Variants in POSTN observed in about 807,000 individuals in gnomAD.
The protein encoded by POSTN is osteoblast specific factor 2 (fasciclin I-like).
In POSTN, 71 loss-of-function variants were observed where a neutral mutation model predicts 104.5. The ratio of observed to expected loss-of-function variants is 0.68; its 90% CI spans 0.56 to 0.83. The LOEUF (loss-of-function observed/expected upper bound fraction) is 0.83, where lower values mean the gene tolerates loss of function less well. POSTN is among the 40% of genes least tolerant of loss of function. The probability of loss-of-function intolerance (pLI) is 0.00; values close to 1 mark genes in which losing one functional copy is unlikely to be tolerated. For synonymous variants in POSTN, 355 were observed against 340.7 expected, an observed-to-expected ratio of 1.04 and a Z score of -0.46; for missense variants, 949 against 1,006.8, an observed-to-expected ratio of 0.94 and a Z score of 0.78.
chr13:37,567,806 G>C (rs1426107498), intron 21 of POSTN, among the ~76,000 whole-genome samples: 3 of 151,992 alleles, frequency 2.0e-5, no homozygotes, highest in Non-Finnish European at 4.4e-5. Context: ...TGTTTTCTTG[G>C]CTGAAGCAAT....
intron 4 of POSTN, among the ~76,000 whole-genome samples, chr13:37,589,073 A>C (rs1427931921): frequency 1.3e-5 from 2 of 151,922 alleles, no homozygotes; most frequent in African/African-American, 4.8e-5. Context: ...AAAAGACAAC[A>C]AAAAAAACCA....
intron 1 of POSTN, among the ~76,000 whole-genome samples, chr13:37,597,711 A>C (rs927509694): frequency 6.6e-6 from 1 of 152,146 alleles, no homozygotes; most frequent in Admixed American, 6.6e-5. Context: ...AAAAGAGACA[A>C]GGTTTATTAT....
rs535096675 is a variant in POSTN, at chr13:37,584,757, C to T, written c.1067G>A (p.Gly356Asp). The change falls in exon 8 of 23, where the codon GGT (glycine) becomes GAT (aspartate). Residue 356 changes from glycine (G) to aspartate (D), a missense_variant. Coordinates refer to ENST00000379747, the MANE Select transcript of POSTN (RefSeq NM_006475.3). ...VNKKDIVTNN[G>D]VIHLIDQVLI... ...GACCTGATCAATCAAATGGATCACA[C>T]CATTATTTGTCACAATATCCTTTTT... The T allele has an allele frequency of 6.2e-7, 1 of 1,613,904 alleles. No individual in the cohort carries two copies. The highest frequency in any genetic ancestry group is 1.1e-5 in the South Asian group (1 of 91,082).
Position 37,579,074 on chromosome 13 carries a change from G to A in POSTN, c.1839C>T (p.Asp613=), listed in dbSNP as rs1950503318. 1.9e-6 allele frequency: 3 copies of A among 1,613,236 alleles called. No individual in the cohort carries two copies. The highest frequency in any genetic ancestry group is 1.7e-5 in the Admixed American group (1 of 59,970). ...LVNELKSKES[D]IMTTNGVIHV... The stretch of plus-strand genomic sequence containing the variant: ...GAATTACACCATTTGTTGTCATGAT[G>A]TCAGATTCTTTTGATTTCAATTCAT... Residue 613 remains aspartate, a synonymous_variant, in exon 14 of 23, where the codon GAC becomes GAT. Coordinates refer to ENST00000379747, the MANE Select transcript of POSTN (RefSeq NM_006475.3).
At position 37,564,181 on chromosome 13, in the gene POSTN, C is replaced by CATAT. The variant is rs71093693; in HGVS notation, c.2473+334_2473+337dup. Among the ~76,000 whole-genome samples, 290 of 49,634 alleles carry CATAT rather than the reference C, an allele frequency of 5.8e-3. 7 individuals are homozygous for CATAT. Among genetic ancestry groups the CATAT allele is most frequent in the Non-Finnish European group, 8.5e-3 (195 of 22,978 alleles). The allele number at this position is 49,634 out of a possible 152,430, so 32.6% of individuals were successfully genotyped here. ...GTATACTTGTATATACAAAACATTACATATATATATATATATATATATATA... is the reference window on the plus strand; with the variant it reads ...GTATACTTGTATATACAAAACATTACATATATATATATATATATATATATATATA... On this transcript the variant is annotated intron_variant, in intron 22 of 22. Coordinates refer to ENST00000379747, the MANE Select transcript of POSTN (RefSeq NM_006475.3).
chr13:37,582,321 G>A (rs763197070), intron 10 of POSTN, 45 bp downstream of exon 10: 2 of 1,551,458 alleles, frequency 1.3e-6, no homozygotes, highest in African/African-American at 2.8e-5. Context: ...AGCATTATTT[G>A]ACATGTCATT....
At position 37,584,948 on chromosome 13, in the gene POSTN, C is replaced by T; in HGVS notation, c.896-20G>A. 18 of 1,611,930 alleles carry T rather than the reference C, an allele frequency of 1.1e-5. No individual in the cohort carries two copies. The highest frequency in any genetic ancestry group is 1.5e-5 in the Non-Finnish European group (18 of 1,179,294). The stretch of plus-strand genomic sequence containing the variant: ...TAAGAGCTGGAGAACACAATAAAAA[C>T]AGGTAGCTTTCAGATCAAGGGAAAT... On this transcript the variant is annotated intron_variant, in intron 7 of 22. Transcript: ENST00000379747.
intron 3 of POSTN, 151 bp from the exon 4 acceptor site, chr13:37,590,680 A>G: frequency 4.8e-6 from 3 of 623,396 alleles, no homozygotes; most frequent in South Asian, 5.0e-5. Flanking sequence ...TATAAAAGTT[A>G]TCTTTTGAGT....
chr13:37,580,805 C>G, intron 10 of POSTN, 108 bp from the exon 11 acceptor site: 1 of 1,415,410 alleles, frequency 7.1e-7, no homozygotes, highest in East Asian at 2.3e-5. Flanking sequence ...GAGAGGTTGC[C>G]TGGTGTCTGA....
chr13:37,586,463 G>A (rs1412485964), intron 6 of POSTN, among the ~76,000 whole-genome samples, 183 bp from the exon 7 acceptor site: 7 of 152,128 alleles, frequency 4.6e-5, no homozygotes, highest in African/African-American at 1.7e-4. Flanking sequence ...TTCAAATTGT[G>A]TTTGCAAGAA....
chr13:37,586,531 C>T (rs1410495563), intron 6 of POSTN, among the ~76,000 whole-genome samples: 4 of 152,160 alleles, frequency 2.6e-5, no homozygotes, highest in Non-Finnish European at 4.4e-5. Flanking sequence ...CATATAATAA[C>T]AGATGAACAC....
chr13:37,582,122 A>G (rs1950607839), intron 10 of POSTN, among the ~76,000 whole-genome samples: 1 of 152,218 alleles, frequency 6.6e-6, no homozygotes, highest in East Asian at 1.9e-4. Flanking sequence ...AAAATAATTG[A>G]TGCTCTAGAA....
chr13:37,566,494 A>G (rs552405559), intron 21 of POSTN, among the ~76,000 whole-genome samples: 5 of 152,278 alleles, frequency 3.3e-5, no homozygotes, highest in Non-Finnish European at 5.9e-5. Context: ...AGAGCTTGTC[A>G]TATATTAACT....
rs1320960803 is a variant in POSTN at position 37,574,054 on chromosome 13, A to G, written c.2089+518T>C. Among the ~76,000 whole-genome samples, 3 of 151,728 alleles carry G rather than the reference A, an allele frequency of 2.0e-5. No individual in the cohort carries two copies. The East Asian group carries it at 5.8e-4, about 29-fold the overall frequency. On this transcript the variant is annotated intron_variant, in intron 17 of 22. Transcript: ENST00000379747. ...GCATAAACTACTCATTTTGTTTTAT[A>G]ATTCTGATGGTCTAATTAAAAAATA...
chr13:37,588,235 T>C (rs1950813262), intron 4 of POSTN, among the ~76,000 whole-genome samples: 1 of 152,210 alleles, frequency 6.6e-6, no homozygotes, highest in Middle Eastern at 3.4e-3. Flanking sequence ...AATATGTTGA[T>C]GAAGAGACAA....
At chr13:37,572,067 C>A (rs114994732) in intron 17 of POSTN, among the ~76,000 whole-genome samples, 4 of 151,502 alleles carry the variant, frequency 2.6e-5, no homozygotes, top group Non-Finnish European at 5.9e-5. Context: ...GTTAAACAGT[C>A]CTTCAAATGC....
chr13:37,582,510 A>T lies in POSTN; in HGVS notation c.1248T>A (p.Asp416Glu). The T allele has an allele frequency of 1.3e-6, 2 of 1,594,776 alleles. No individual in the cohort carries two copies. Among genetic ancestry groups the T allele is most frequent in the Non-Finnish European group, 1.7e-6 (2 of 1,173,774 alleles). ...LAPVNNAFSD[D>E]TLSMDQRLLK... ...GGAGGCGCTGATCCATGCTGAGAGTATCATCTGTAAATAAATTCATTAAGA... is the reference window on the plus strand; with the variant it reads ...GGAGGCGCTGATCCATGCTGAGAGTTTCATCTGTAAATAAATTCATTAAGA... Residue 416 changes from aspartate (D) to glutamate (E), a missense_variant, in exon 10 of 23, where the codon GAT becomes GAA. Asp to Glu is a conservative substitution (Grantham distance 45, BLOSUM62 2). Transcript: ENST00000379747.
Position 37,598,599 on chromosome 13 carries a change from C to T in POSTN, c.119+9G>A, listed in dbSNP as rs538954107. Reference sequence around the variant, plus strand: ...AAAAATGGTTTATAAAACCAAACCACTCACTTACCCTTGGTCCCGACCCCT... The same window carrying T: ...AAAAATGGTTTATAAAACCAAACCATTCACTTACCCTTGGTCCCGACCCCT... On this transcript the variant is annotated intron_variant, in intron 1 of 22. Coordinates refer to ENST00000379747, the MANE Select transcript of POSTN (RefSeq NM_006475.3). 4 of 1,603,466 alleles carry T rather than the reference C, an allele frequency of 2.5e-6. No individual in the cohort carries two copies. The East Asian group carries it at 8.9e-5, about 36-fold the overall frequency.
At chr13:37,585,657 G>C (rs1304791287) in intron 7 of POSTN, among the ~76,000 whole-genome samples, 1 of 152,098 alleles carries the variant, frequency 6.6e-6, no homozygotes, top group African/African-American at 2.4e-5. Context: ...TTTTGGGATA[G>C]GCTGAGTAAG....
Sources: gnomAD v4.1 joint callset for allele counts (sites outside exome capture counted in the v4.1 genomes callset) on GRCh38, gnomAD v4.1.1 for gene constraint, MANE v1.5 for transcripts, NCBI Gene and HGNC (gene_info 2026-07-23, HGNC 2026-07-21) for gene names.